ROBO1: variants seen among roughly 807,000 people sequenced by gnomAD.
ROBO1 encodes roundabout homolog 1.
A neutral mutation model predicts 195.9 loss-of-function variants in ROBO1; 149 were observed. That is an observed-to-expected ratio of 0.76 (90% CI 0.67 to 0.87). ROBO1 has a LOEUF of 0.87. Among genes scored for constraint, ROBO1 ranks in the 40% least tolerant of loss-of-function variants. The pLI, the probability that ROBO1 is intolerant of heterozygous loss-of-function variation, is 0.00. For synonymous variants in ROBO1, 816 were observed against 733.2 expected (o/e 1.11, Z -1.82); for missense variants, 1,933 against 2,068.3 (o/e 0.93, Z 1.27).
At chr3:78,915,984 G>A (rs2038541397) in intron 4 of ROBO1, among the ~76,000 whole-genome samples, 1 of 152,142 alleles carries the variant, frequency 6.6e-6, no homozygotes, top group Non-Finnish European at 1.5e-5. Flanking sequence ...AGTCGCGGTG[G>A]CTCACGCCTG....
chr3:79,031,499 G>A (rs550246020), intron 3 of ROBO1, among the ~76,000 whole-genome samples: 7 of 152,174 alleles, frequency 4.6e-5, no homozygotes, highest in Non-Finnish European at 1.0e-4. Flanking sequence ...GAAGCACAAT[G>A]TTCATTTCTA....
At chr3:78,714,729 TA>T (rs113125137) in intron 7 of ROBO1, 6 of 424,740 alleles carry the variant, frequency 1.4e-5, no homozygotes, top group African/African-American at 6.1e-5. Flanking sequence ...AACTACTTTC[TA>T]AAAGAACATT....
At chr3:78,945,423 C>G (rs980716615) in intron 3 of ROBO1, among the ~76,000 whole-genome samples, 2 of 152,152 alleles carry the variant, frequency 1.3e-5, no homozygotes, top group African/African-American at 4.8e-5. Flanking sequence ...TGGAGTGGAC[C>G]TCTAGCAAAC....
At chr3:79,608,393 C>G (rs1277725585) in intron 1 of ROBO1, among the ~76,000 whole-genome samples, 1 of 151,988 alleles carries the variant, frequency 6.6e-6, no homozygotes, top group Non-Finnish European at 1.5e-5. Context: ...TACTATCTCT[C>G]TCTCTCATAT....
intron 3 of ROBO1, among the ~76,000 whole-genome samples, chr3:79,050,444 T>G (rs1256877040): frequency 6.6e-6 from 1 of 152,056 alleles, no homozygotes; most frequent in Non-Finnish European, 1.5e-5. Flanking sequence ...CACACAATAA[T>G]AGTGGGAGAC....
At chr3:78,947,572 G>A (rs2040518047) in intron 3 of ROBO1, among the ~76,000 whole-genome samples, 1 of 152,114 alleles carries the variant, frequency 6.6e-6, no homozygotes, top group South Asian at 2.1e-4. Context: ...GGAAAAGTAG[G>A]AAAGATCTAA....
At chr3:78,821,106 C>T (rs1576232210) in intron 4 of ROBO1, among the ~76,000 whole-genome samples, 1 of 150,594 alleles carries the variant, frequency 6.6e-6, no homozygotes, top group Admixed American at 6.6e-5. Context: ...CATGGTGAAA[C>T]TTCAAATTCT....
At chr3:79,526,499 C>A (rs1004260437) in intron 2 of ROBO1, 13 of 152,128 alleles carry the variant, frequency 8.5e-5, no homozygotes, top group Admixed American at 8.5e-4. Context: ...TACCACAGAG[C>A]AAATATTTTT....
intron 2 of ROBO1, among the ~76,000 whole-genome samples, chr3:79,168,692 C>T (rs962248433): frequency 6.6e-6 from 1 of 152,092 alleles, no homozygotes; most frequent in Non-Finnish European, 1.5e-5. Context: ...CATTTATTTA[C>T]TTAGTTAGGC....
At chr3:79,064,547 C>T (rs2108415213) in intron 3 of ROBO1, among the ~76,000 whole-genome samples, 1 of 151,960 alleles carries the variant, frequency 6.6e-6, no homozygotes, top group South Asian at 2.1e-4. Flanking sequence ...TTTTAAATGG[C>T]AATGGGGCTT....
rs188914093 is a variant in ROBO1, at chr3:78,699,637, T to A, written c.1046-10865A>T. Among the ~76,000 whole-genome samples the A allele has an allele frequency of 2.7e-3, 408 of 151,536 alleles. 4 individuals carry two copies. Among genetic ancestry groups the A allele is most frequent in the African/African-American group, 9.6e-3 (397 of 41,414 alleles). On this transcript the variant is annotated intron_variant, in intron 8 of 30. Coordinates refer to ENST00000464233, the MANE Select transcript of ROBO1 (RefSeq NM_002941.4). Reference sequence around the variant, plus strand: ...AATTACACTTTGTTTTTACGTTTTGTTTTTTGCTTAAAATCCTTCAACATG... The same window carrying A: ...AATTACACTTTGTTTTTACGTTTTGATTTTTGCTTAAAATCCTTCAACATG...
At chr3:79,379,645 T>C (rs2036503065) in intron 2 of ROBO1, among the ~76,000 whole-genome samples, 1 of 152,244 alleles carries the variant, frequency 6.6e-6, no homozygotes, top group South Asian at 2.1e-4. Flanking sequence ...GTAGAATTGT[T>C]CATAATGTGG....
intron 2 of ROBO1, among the ~76,000 whole-genome samples, chr3:79,242,822 CCTCA>C (rs1184089184): frequency 6.6e-6 from 1 of 151,744 alleles, no homozygotes; most frequent in East Asian, 1.9e-4. Context: ...GCCACTTAAC[CCTCA>C]CTATTTCTTT....
intron 8 of ROBO1, among the ~76,000 whole-genome samples, chr3:78,699,095 A>G (rs774320905): frequency 2.0e-5 from 3 of 152,060 alleles, no homozygotes; most frequent in Non-Finnish European, 2.9e-5. Flanking sequence ...TCAACCAGCA[A>G]ATTCCATAGT....
chr3:79,279,723 G>A (rs2031358735), intron 2 of ROBO1, among the ~76,000 whole-genome samples: 2 of 152,164 alleles, frequency 1.3e-5, no homozygotes, highest in South Asian at 4.1e-4. Flanking sequence ...TAAACAAGGA[G>A]GAGGTAGAGA....
intron 2 of ROBO1, among the ~76,000 whole-genome samples, chr3:79,260,210 C>T (rs1273200175): frequency 6.6e-6 from 1 of 151,510 alleles, no homozygotes; most frequent in Non-Finnish European, 1.5e-5. Context: ...CCAAAAATCC[C>T]CTGGGAAATT....
intron 2 of ROBO1, among the ~76,000 whole-genome samples, chr3:79,154,126 A>G (rs993080145): frequency 1.3e-5 from 2 of 151,790 alleles, no homozygotes; most frequent in African/African-American, 4.8e-5. Context: ...ATTGTCTTGT[A>G]ATCTAGCATC....
At chr3:79,238,718 C>T (rs2082458267) in intron 2 of ROBO1, among the ~76,000 whole-genome samples, 1 of 152,180 alleles carries the variant, frequency 6.6e-6, no homozygotes, top group African/African-American at 2.4e-5. Flanking sequence ...CTAGGGATCA[C>T]ACTTTATTTC....
At chr3:79,119,226 T>C (rs2080070414) in intron 3 of ROBO1, among the ~76,000 whole-genome samples, 1 of 152,234 alleles carries the variant, frequency 6.6e-6, no homozygotes, top group Admixed American at 6.5e-5. Flanking sequence ...CTTTAAACTG[T>C]TCTTCACAGA....
Sources: allele counts gnomAD v4.1 joint callset (sites outside exome capture counted in the v4.1 genomes callset), GRCh38; gene constraint gnomAD v4.1.1; transcripts MANE v1.5; gene names NCBI Gene and HGNC (gene_info 2026-07-23, HGNC 2026-07-21).